Variants in RNF17 observed in about 807,000 individuals in gnomAD.
RNF17 encodes the protein ring finger protein 17, also known as spermatogenesis associated 23.
In RNF17, 31 loss-of-function variants were observed where a neutral mutation model predicts 200.5. That is an observed-to-expected ratio of 0.15 (90% CI 0.12 to 0.21). The LOEUF (loss-of-function observed/expected upper bound fraction) is 0.21. Among genes scored for constraint, RNF17 ranks in the 10% least tolerant of loss-of-function variants. The pLI is 1.00. For missense variants in RNF17, 1,628 were observed against 1,905.1 expected, an observed-to-expected ratio of 0.85 and a Z score of 2.71; for synonymous variants, 606 against 637.8, an observed-to-expected ratio of 0.95 and a Z score of 0.75.
chr13:24,796,197 A>G lies in RNF17; in HGVS notation c.1301A>G (p.Lys434Arg), dbSNP rs1335704097. Residue 434 changes from lysine (K) to arginine (R), a missense_variant, in exon 11 of 36, where the codon AAG becomes AGG. Lys to Arg is a conservative substitution (Grantham distance 26). Around this residue, in one of 5 missense-constraint regions of RNF17, gnomAD observed 289 missense variants for 384.9 expected, o/e 0.75. Transcript: ENST00000255324. The part of the protein sequence containing the change: ...VIDPCHFYIR[K>R]YSQIKDAKVL... ...GATCCTTGCCATTTCTACATTCGGAAGTATTCACAAATAAAAGACGCCAAA... is the reference window on the plus strand; with the variant it reads ...GATCCTTGCCATTTCTACATTCGGAGGTATTCACAAATAAAAGACGCCAAA... 3.3e-5 allele frequency: 54 copies of G among 1,612,562 alleles called. No individual in the cohort carries two copies. The highest frequency in any genetic ancestry group is 4.6e-5 in the Non-Finnish European group (54 of 1,178,982).
chr13:24,842,020 A>C, intron 18 of RNF17, 21 bp from the exon 19 acceptor site: 1 of 1,583,282 alleles, frequency 6.3e-7, no homozygotes, highest in South Asian at 1.2e-5. Flanking sequence ...CTTTCCCCAA[A>C]CTTTCTTAAT....
chr13:24,759,575 T>C (rs1019097296), upstream of RNF17, among the ~76,000 whole-genome samples: 2 of 152,210 alleles, frequency 1.3e-5, no homozygotes, highest in African/African-American at 4.8e-5. Context: ...GTAGTTGTCA[T>C]CTCTAGAAAT....
chr13:24,752,101 G>C, the RNF17 span: 2 of 152,406 alleles, frequency 1.3e-5, no homozygotes, highest in Admixed American at 1.3e-4. Context: ...TGGGAAAATA[G>C]TTTTTCTACC....
rs555152046 is a variant in RNF17 at position 24,877,198 on chromosome 13, A to G, written c.4773+12A>G. 1 of 1,597,646 alleles carries G rather than the reference A, an allele frequency of 6.3e-7. No homozygotes were observed. The highest frequency in any genetic ancestry group is 1.1e-5 in the South Asian group (1 of 87,708). ...ATGCTGTGTCCATGGTAAGTGTCTC[A>G]AGTAGCCAAAATTATTGTAAAGCTA... On this transcript the variant is annotated intron_variant, in intron 34 of 35. Transcript: ENST00000255324.
chr13:24,840,917 A>G (rs1890568415), intron 18 of RNF17, among the ~76,000 whole-genome samples: 1 of 152,184 alleles, frequency 6.6e-6, no homozygotes, highest in Non-Finnish European at 1.5e-5. Context: ...TTAAATGTAT[A>G]CTGTTATAAC....
At chr13:24,764,900 TG>T in intron 1 of RNF17, among the ~76,000 whole-genome samples, 1 of 52,814 alleles carries the variant, frequency 1.9e-5, no homozygotes, top group South Asian at 8.9e-4. Context: ...TGTGTGTGTG[TG>T]TGTGTGTGTG....
chr13:24,861,743 TG>T (rs1465478341), intron 27 of RNF17, among the ~76,000 whole-genome samples: 89 of 152,340 alleles, frequency 5.8e-4, no homozygotes, highest in Non-Finnish European at 3.8e-4. Context: ...TGAGACTTAG[TG>T]GTCTAAAACA....
chr13:24,886,229 C>G, the RNF17 span: 6 of 1,009,474 alleles, frequency 5.9e-6, no homozygotes, highest in Non-Finnish European at 8.2e-6. Context: ...ATTGTAAACA[C>G]TCAACTTGGA....
At position 24,778,240 on chromosome 13, in the gene RNF17, T is replaced by G. The variant is rs1881848111; in HGVS notation, c.318-55T>G. 43 of 1,218,352 alleles carry G rather than the reference T, an allele frequency of 3.5e-5. 1 individual carries two copies. The South Asian group carries it at 5.2e-4, about 15-fold the overall frequency. The allele number at this position is 1,218,352 out of a possible 1,614,324, so 75.5% of individuals were successfully genotyped here. ...TGGTGCCACTGCACTCTGGCCTGGG[T>G]GACAGAGAAAGATCCTGTCACAAAA... On this transcript the variant is annotated intron_variant, in intron 3 of 35. Coordinates refer to ENST00000255324, the MANE Select transcript of RNF17 (RefSeq NM_031277.3).
intron 33 of RNF17, among the ~76,000 whole-genome samples, chr13:24,874,950 C>T (rs77626898): frequency 0.044 from 6,706 of 152,120 alleles, 466 homozygotes; most frequent in African/African-American, 0.15. Flanking sequence ...AGTATTTGTC[C>T]TTTTGTGTCT....
At chr13:24,774,199 A>ATTTTTTTTTTTTAT (rs67201563) in intron 2 of RNF17, among the ~76,000 whole-genome samples, 1 of 149,708 alleles carries the variant, frequency 6.7e-6, no homozygotes, top group Non-Finnish European at 1.5e-5. Flanking sequence ...ATATGTTACT[A>ATTTTTTTTTTTTAT]TTTTTTTTTT....
Position 24,793,320 on chromosome 13 carries a change from A to C in RNF17, c.1214A>C (p.Glu405Ala), listed in dbSNP as rs1214601521. 1.3e-6 allele frequency: 2 copies of C among 1,590,100 alleles called. No individual in the cohort carries two copies. Among genetic ancestry groups the C allele is most frequent in the South Asian group, 2.3e-5 (2 of 86,576 alleles). Residue 405 changes from glutamate to alanine, a missense_variant, in exon 10 of 36, where the codon GAA becomes GCA. Glu to Ala is a moderately radical substitution (Grantham distance 107). This residue lies in a region of RNF17 where 502 missense variants were observed against 501.7 expected (regional missense o/e 1.00). Transcript: ENST00000255324. ...QMGSSPDVII[E>A]EIIEDNVESS... is the part of the protein sequence containing the mutation. ...GGATCTAGCCCTGATGTGATAATTG[A>C]AGAAATTATTGAAGACAACGTGGAA... is the stretch of plus-strand genomic sequence containing the variant.
Position 24,851,540 on chromosome 13 carries a change from A to G in RNF17, c.3289A>G (p.Ile1097Val). The G allele has an allele frequency of 6.2e-7, 1 of 1,612,818 alleles. No individual in the cohort carries two copies. Among genetic ancestry groups the G allele is most frequent in the Non-Finnish European group, 8.5e-7 (1 of 1,179,684 alleles). Reference sequence around the variant, plus strand: ...GCGTGTTGATGTTTCTAAATATTTGATTAAAAAGGGTTTGGCTTTGAGAGA... The same window carrying G: ...GCGTGTTGATGTTTCTAAATATTTGGTTAAAAAGGGTTTGGCTTTGAGAGA... The part of the protein sequence containing the change: ...GERVDVSKYL[I>V]KKGLALRERR... Residue 1097 changes from isoleucine to valine, a missense_variant, in exon 24 of 36, where the codon ATT becomes GTT. Coordinates refer to ENST00000255324, the MANE Select transcript of RNF17 (RefSeq NM_031277.3).
chr13:24,858,926 A>G, intron 25 of RNF17, 75 bp from the exon 26 acceptor site: 1 of 945,258 alleles, frequency 1.1e-6, no homozygotes, highest in South Asian at 1.8e-5. Context: ...ATACTACTGA[A>G]GAAATGAAGT....
In RNF17 at chr13:24,870,599, C is replaced by A. The variant is rs758943953; in HGVS notation, c.4307C>A (p.Thr1436Asn). Residue 1436 changes from threonine (T) to asparagine (N), a missense_variant, in exon 32 of 36, where the codon ACT (threonine) becomes AAT (asparagine). Coordinates refer to ENST00000255324, the MANE Select transcript of RNF17 (RefSeq NM_031277.3). ...TATATTTGCCTTGATTCTATAGAAA[C>A]TTCTAACCAGTCTAACCAGCATAGT... ...EVYICLDSIE[T>N]SNQSNQHSDT... The A allele has an allele frequency of 1.2e-6, 2 of 1,613,756 alleles. No homozygotes were observed. Among genetic ancestry groups the A allele is most frequent in the Non-Finnish European group, 8.5e-7 (1 of 1,179,862 alleles).
chr13:24,826,810 C>A lies in RNF17; in HGVS notation c.2245+1038C>A, dbSNP rs569437804. The stretch of plus-strand genomic sequence containing the variant: ...GTGCGGTGGCTCACGCCTGTAATCC[C>A]AGCACTTTGGGAGGCCAAGGCAGGC... On this transcript the variant is annotated intron_variant, in intron 16 of 35. Transcript: ENST00000255324. 5.3e-5 allele frequency among the ~76,000 whole-genome samples: 8 copies of A among 151,426 alleles called. No homozygotes were observed. The South Asian group carries it at 1.7e-3, about 32-fold the overall frequency.
intron 15 of RNF17, among the ~76,000 whole-genome samples, chr13:24,818,652 A>G (rs1385738908): frequency 6.6e-6 from 1 of 152,058 alleles, no homozygotes; most frequent in African/African-American, 2.4e-5. Flanking sequence ...CTCTTGTAAG[A>G]ATTTTTTATT....
At chr13:24,847,345 AT>A (rs989543135) in intron 22 of RNF17, among the ~76,000 whole-genome samples, 68 of 101,864 alleles carry the variant, frequency 6.7e-4, no homozygotes, top group South Asian at 3.0e-3. Context: ...TTATTTATTT[AT>A]TTATTTTTTT....
At chr13:24,766,299 T>C (rs1879682021) in intron 1 of RNF17, among the ~76,000 whole-genome samples, 1 of 152,246 alleles carries the variant, frequency 6.6e-6, no homozygotes, top group Non-Finnish European at 1.5e-5. Context: ...GATGACTGAT[T>C]TTTATCTAGT....
Sources: allele counts gnomAD v4.1 joint callset (sites outside exome capture counted in the v4.1 genomes callset), GRCh38; gene constraint gnomAD v4.1.1; regional missense constraint gnomAD v4.1.1; transcripts MANE v1.5; gene names NCBI Gene and HGNC (gene_info 2026-07-23, HGNC 2026-07-21).